HNF4G: variants seen among roughly 807,000 people sequenced by gnomAD.
HNF4G encodes the protein hepatocyte nuclear factor 4-gamma.
Under a neutral mutation model 50.9 loss-of-function variants are expected in HNF4G, and 21 were observed. The observed-to-expected ratio is 0.41, with a 90% CI of 0.29 to 0.59. The LOEUF is 0.59. Ranked by LOEUF, HNF4G falls within the 20% of genes least tolerant of loss-of-function variation. The pLI is 0.26. For missense variants in HNF4G, 527 were observed against 559.4 expected (o/e 0.94, Z 0.58); for synonymous variants, 198 against 185.6 (o/e 1.07, Z -0.54).
intron 1 of HNF4G, among the ~76,000 whole-genome samples, chr8:75,489,424 A>T (rs980507324): frequency 2.0e-5 from 3 of 152,230 alleles, no homozygotes; most frequent in Non-Finnish European, 4.4e-5. Flanking sequence ...ACTGAACCTC[A>T]TCTTCTCATT....
intron 2 of HNF4G, among the ~76,000 whole-genome samples, chr8:75,533,409 G>T (rs1019385074): frequency 6.6e-6 from 1 of 151,908 alleles, no homozygotes. Flanking sequence ...TTCTTCAAAA[G>T]TTCTCCAGAT....
intron 2 of HNF4G, among the ~76,000 whole-genome samples, chr8:75,534,624 C>T (rs777214869): frequency 4.6e-5 from 7 of 151,788 alleles, no homozygotes; most frequent in African/African-American, 1.4e-4. Flanking sequence ...TTCAGGTAAA[C>T]CATAAATACT....
intron 2 of HNF4G, among the ~76,000 whole-genome samples, chr8:75,513,868 G>A (rs1321386573): frequency 6.6e-6 from 1 of 150,440 alleles, no homozygotes; most frequent in African/African-American, 2.4e-5. Flanking sequence ...TAGAGAATGT[G>A]ATCTATATAA....
At chr8:75,464,809 A>G (rs1445646521) in intron 1 of HNF4G, among the ~76,000 whole-genome samples, 1 of 152,298 alleles carries the variant, frequency 6.6e-6, no homozygotes, top group Non-Finnish European at 1.5e-5. Flanking sequence ...ACAGGAAAAC[A>G]CCAGGGAACA....
Position 75,522,264 on chromosome 8 carries a change from T to G in HNF4G, c.-23-21547T>G, listed in dbSNP as rs555630904. The stretch of plus-strand genomic sequence containing the variant: ...TCTGACTGTGGAGATAGTGGGATTA[T>G]GATGATCTGTAAGAGCCAGTGTTTA... On this transcript the variant is annotated intron_variant, in intron 2 of 10. Transcript: ENST00000354370. Among the ~76,000 whole-genome samples the G allele has an allele frequency of 5.3e-5, 8 of 152,332 alleles. No homozygotes were observed. In the South Asian group the frequency reaches 1.7e-3, roughly 32 times the overall value.
intron 1 of HNF4G, among the ~76,000 whole-genome samples, chr8:75,420,353 T>A (rs1193499140): frequency 6.6e-6 from 1 of 152,254 alleles, no homozygotes; most frequent in African/African-American, 2.4e-5. Context: ...ATATGTTATC[T>A]TCCTGCTTAA....
chr8:75,453,325 T>C (rs1219336088), intron 1 of HNF4G, among the ~76,000 whole-genome samples: 1 of 152,086 alleles, frequency 6.6e-6, no homozygotes, highest in East Asian at 1.9e-4. Flanking sequence ...CAGTCAGTGC[T>C]CTGTAGCTAG....
chr8:75,473,318 A>G (rs909975225), intron 1 of HNF4G, among the ~76,000 whole-genome samples: 1 of 152,070 alleles, frequency 6.6e-6, no homozygotes, highest in African/African-American at 2.4e-5. Flanking sequence ...AAGTGTCATT[A>G]TGTCATGGAA....
At chr8:75,449,128 G>C (rs149057167) in intron 1 of HNF4G, among the ~76,000 whole-genome samples, 1,555 of 152,256 alleles carry the variant, frequency 0.01, 23 homozygotes, top group South Asian at 0.033. Context: ...CCTGGTCTAG[G>C]TTGGATGGTA....
chr8:75,538,523 C>T (rs1806529744), upstream of HNF4G, among the ~76,000 whole-genome samples: 2 of 152,156 alleles, frequency 1.3e-5, no homozygotes, highest in South Asian at 4.1e-4. Flanking sequence ...GGGCTCTGCA[C>T]AATTCATCCC....
chr8:75,564,056 T>A lies in HNF4G; in HGVS notation c.1328T>A (p.Val443Asp). 6.2e-7 allele frequency: 1 copy of A among 1,613,572 alleles called. No homozygotes were observed. The highest frequency in any genetic ancestry group is 8.5e-7 in the Non-Finnish European group (1 of 1,179,620). ...AAAATAGCTGCAAACCAAGCATCAG[T>A]CATTTCACACCAGCATCTCTCCAAA... Reference protein sequence around the residue: ...QYKIAANQASVISHQHLSKQK... With the variant: ...QYKIAANQASDISHQHLSKQK... The change falls in exon 10 of 10, where the codon GTC (valine) becomes GAC (aspartate). Residue 443 changes from valine (V) to aspartate (D), a missense_variant. By Grantham distance (152) the Val-to-Asp change is radical. This residue lies in a region of HNF4G where 308 missense variants were observed against 301.5 expected (regional missense o/e 1.02). Transcript: ENST00000396423.
At chr8:75,563,492 T>A (rs1807375750) in intron 9 of HNF4G, among the ~76,000 whole-genome samples, 1 of 152,044 alleles carries the variant, frequency 6.6e-6, no homozygotes, top group Non-Finnish European at 1.5e-5. Flanking sequence ...TCAGAACATT[T>A]ATAAAGTATC....
At chr8:75,506,625 T>C (rs1813086309) in intron 2 of HNF4G, among the ~76,000 whole-genome samples, 2 of 152,314 alleles carry the variant, frequency 1.3e-5, no homozygotes, top group Admixed American at 1.3e-4. Context: ...TCAAAGCTTA[T>C]TAGATTTCAG....
intron 1 of HNF4G, among the ~76,000 whole-genome samples, chr8:75,410,458 G>A (rs1375211396): frequency 6.6e-6 from 1 of 152,036 alleles, no homozygotes; most frequent in East Asian, 1.9e-4. Flanking sequence ...TAATAAAATG[G>A]GAATGGAATT....
chr8:75,482,029 T>A (rs1202960848), intron 1 of HNF4G, among the ~76,000 whole-genome samples: 4 of 152,150 alleles, frequency 2.6e-5, no homozygotes, highest in Non-Finnish European at 5.9e-5. Context: ...TTGAAGTTTT[T>A]AAAAATCTAG....
At chr8:75,471,724 C>T (rs1585872967) in intron 1 of HNF4G, among the ~76,000 whole-genome samples, 1 of 152,150 alleles carries the variant, frequency 6.6e-6, no homozygotes, top group South Asian at 2.1e-4. Context: ...ATTACTTTGA[C>T]ATTGGAGGGA....
At chr8:75,438,793 T>G (rs1273424742) in intron 1 of HNF4G, among the ~76,000 whole-genome samples, 1 of 152,126 alleles carries the variant, frequency 6.6e-6, no homozygotes, top group Non-Finnish European at 1.5e-5. Context: ...TCCAATCACA[T>G]GTAACCAATT....
At chr8:75,477,373 G>A (rs980566144) in intron 1 of HNF4G, among the ~76,000 whole-genome samples, 7 of 152,018 alleles carry the variant, frequency 4.6e-5, no homozygotes, top group African/African-American at 9.7e-5. Flanking sequence ...TATCAATATC[G>A]TTGTCTATTG....
intron 1 of HNF4G, among the ~76,000 whole-genome samples, chr8:75,440,572 A>C (rs1274724060): frequency 6.6e-6 from 1 of 152,212 alleles, no homozygotes; most frequent in Non-Finnish European, 1.5e-5. Context: ...TTTCTTTGAA[A>C]TTGTTTATTT....
Sources: allele counts gnomAD v4.1 joint callset (sites outside exome capture counted in the v4.1 genomes callset), GRCh38; gene constraint gnomAD v4.1.1; regional missense constraint gnomAD v4.1.1; transcripts MANE v1.5; gene names NCBI Gene and HGNC (gene_info 2026-07-23, HGNC 2026-07-21).